The following NIBAN1 variants were observed in gnomAD, a reference collection of about 807,000 sequenced individuals.
NIBAN1 encodes the protein protein Niban 1.
NIBAN1 carries 81 observed loss-of-function variants against 75.1 expected under a neutral mutation model. That is an observed-to-expected ratio of 1.08 (90% CI 0.90 to 1.30). The LOEUF (loss-of-function observed/expected upper bound fraction) is 1.30, where lower values mean the gene tolerates loss of function less well. NIBAN1 is among the 50% of genes most tolerant of loss of function. The pLI is 0.00. For missense variants in NIBAN1, 1,133 were observed against 1,128.1 expected (o/e 1.00, Z -0.06); for synonymous variants, 436 against 424.8 (o/e 1.03, Z -0.32).
chr1:184,825,899 G>A (rs1287530715), intron 6 of NIBAN1, among the ~76,000 whole-genome samples: 1 of 152,170 alleles, frequency 6.6e-6, no homozygotes, highest in East Asian at 1.9e-4. Context: ...AATAATATTT[G>A]TCCAAAATAA....
Position 184,794,823 on chromosome 1 carries a change from T to C in NIBAN1, c.*154A>G. ...TCATGTCCACAAAGGTTTGCCTCAG[T>C]TGCTCATGCCCTGTATGCATTTCCT... On this transcript the variant is annotated 3_prime_UTR_variant, in exon 14 of 14. Transcript: ENST00000367511. 1.1e-6 allele frequency: 1 copy of C among 951,484 alleles called. No homozygotes were observed. Among genetic ancestry groups the C allele is most frequent in the South Asian group, 1.4e-5 (1 of 69,548 alleles). 58.9% of individuals were successfully genotyped at this position (951,484 alleles called of 1,614,324 possible).
intron 5 of NIBAN1, among the ~76,000 whole-genome samples, chr1:184,832,937 T>A (rs980732940): frequency 2.6e-5 from 4 of 152,116 alleles, no homozygotes; most frequent in Admixed American, 2.0e-4. Context: ...CATGAGGAAA[T>A]GAACTTCAGA....
chr1:184,795,533 T>A lies in NIBAN1; in HGVS notation c.2231A>T (p.Asn744Ile). 6.2e-7 allele frequency: 1 copy of A among 1,614,044 alleles called. No individual in the cohort carries two copies. Among genetic ancestry groups the A allele is most frequent in the African/African-American group, 1.3e-5 (1 of 75,012 alleles). The change falls in exon 14 of 14, where the codon AAT (asparagine) becomes ATT (isoleucine). Residue 744 changes from asparagine (N) to isoleucine (I), a missense_variant. Transcript: ENST00000367511. ...GGGCTCTTTTTCCTCTTCTTCTTCA[T>A]TTTCTTGGGGAACGTGGCTCTCCCC... ...TNGESHVPQE[N>I]EEEEEKEPSQ...
At chr1:184,958,793 C>G (rs1658555579) in intron 1 of NIBAN1, among the ~76,000 whole-genome samples, 1 of 152,210 alleles carries the variant, frequency 6.6e-6, no homozygotes, top group African/African-American at 2.4e-5. Flanking sequence ...GTAAACCATA[C>G]ATTTCAATTA....
intron 5 of NIBAN1, among the ~76,000 whole-genome samples, chr1:184,874,294 T>C (rs957911574): frequency 2.6e-5 from 4 of 151,918 alleles, no homozygotes; most frequent in Admixed American, 6.6e-5. Flanking sequence ...CAAAGTAAGA[T>C]AGTAAATTTA....
intron 1 of NIBAN1, among the ~76,000 whole-genome samples, chr1:184,905,335 C>A (rs778799869): frequency 1.3e-5 from 2 of 152,154 alleles, no homozygotes; most frequent in Non-Finnish European, 2.9e-5. Context: ...AAGGGTCACA[C>A]CTCATTAGTC....
intron 1 of NIBAN1, among the ~76,000 whole-genome samples, chr1:184,908,023 C>G (rs1019566721): frequency 1.3e-5 from 2 of 152,202 alleles, no homozygotes; most frequent in Non-Finnish European, 2.9e-5. Context: ...CCAGGACCCT[C>G]GTAGGGCTCA....
At chr1:184,827,219 G>A (rs1170002369) in intron 6 of NIBAN1, among the ~76,000 whole-genome samples, 1 of 151,872 alleles carries the variant, frequency 6.6e-6, no homozygotes, top group African/African-American at 2.4e-5. Context: ...GCATGAAAAC[G>A]GACTAATACA....
At chr1:184,825,837 A>C (rs1507057) in intron 6 of NIBAN1, among the ~76,000 whole-genome samples, 3,876 of 152,324 alleles carry the variant, frequency 0.025, 128 homozygotes, top group African/African-American at 0.078. Context: ...TTAGGAAGGG[A>C]AGCAGGCAGA....
At chr1:184,859,641 AT>A (rs375045121) in intron 5 of NIBAN1, among the ~76,000 whole-genome samples, 16 of 150,328 alleles carry the variant, frequency 1.1e-4, no homozygotes, top group East Asian at 1.9e-4. Context: ...AAGAGTTCTG[AT>A]TTTTTTTTTC....
chr1:184,836,925 T>C (rs897070976), intron 5 of NIBAN1, among the ~76,000 whole-genome samples: 1 of 152,244 alleles, frequency 6.6e-6, no homozygotes, highest in African/African-American at 2.4e-5. Flanking sequence ...TTGCTTTATA[T>C]ACATTTGTTC....
chr1:184,827,517 A>G (rs1261722239), intron 6 of NIBAN1, among the ~76,000 whole-genome samples: 1 of 148,372 alleles, frequency 6.7e-6, no homozygotes, highest in Non-Finnish European at 1.5e-5. Flanking sequence ...CCCTCAGAAC[A>G]GTATCCACTG....
chr1:184,857,951 C>A (rs763733349), intron 5 of NIBAN1, among the ~76,000 whole-genome samples: 59 of 151,604 alleles, frequency 3.9e-4, no homozygotes, highest in Non-Finnish European at 7.4e-4. Flanking sequence ...CAATATAAAA[C>A]CTTCAAGAAA....
At chr1:184,878,471 C>T (rs1656289673) in intron 5 of NIBAN1, among the ~76,000 whole-genome samples, 2 of 152,130 alleles carry the variant, frequency 1.3e-5, no homozygotes, top group South Asian at 4.1e-4. Context: ...TACACTAAAC[C>T]AGTAGAGAAG....
rs992088142 is a variant in NIBAN1, at chr1:184,833,646, G to T, written c.602-1684C>A. On this transcript the variant is annotated intron_variant, in intron 5 of 13. Transcript: ENST00000367511. ...GAACCCAGGAGTTTGAGGCTGCAGT[G>T]AGCTATAACTGCACAATTGCACCCT... Among the ~76,000 whole-genome samples the T allele has an allele frequency of 5.3e-5, 8 of 152,024 alleles. 1 individual carries two copies. The highest frequency in any genetic ancestry group is 8.8e-5 in the Non-Finnish European group (6 of 68,006).
chr1:184,964,662 G>A (rs1275131632), intron 1 of NIBAN1, among the ~76,000 whole-genome samples: 2 of 152,142 alleles, frequency 1.3e-5, no homozygotes, highest in African/African-American at 2.4e-5. Flanking sequence ...AGGGTTCAAC[G>A]AAGACTCCAT....
intron 1 of NIBAN1, among the ~76,000 whole-genome samples, chr1:184,924,710 C>T (rs561855446): frequency 6.6e-5 from 10 of 152,178 alleles, no homozygotes; most frequent in African/African-American, 2.2e-4. Context: ...GATCTCATTA[C>T]TTGTTATTGG....
intron 1 of NIBAN1, among the ~76,000 whole-genome samples, chr1:184,946,454 T>C (rs985939027): frequency 1.3e-5 from 2 of 152,146 alleles, no homozygotes; most frequent in East Asian, 3.9e-4. Flanking sequence ...TGGACAATTG[T>C]AGATCTGATT....
chr1:184,826,913 T>A (rs963432199), intron 6 of NIBAN1, among the ~76,000 whole-genome samples: 1 of 152,164 alleles, frequency 6.6e-6, no homozygotes, highest in African/African-American at 2.4e-5. Context: ...TCTTGAATTG[T>A]AGCTCCTATA....
Sources: allele counts gnomAD v4.1 joint callset (sites outside exome capture counted in the v4.1 genomes callset), GRCh38; gene constraint gnomAD v4.1.1; transcripts MANE v1.5; gene names NCBI Gene and HGNC (gene_info 2026-07-23, HGNC 2026-07-21).